The following CAPN8 variants were observed in gnomAD, a reference collection of about 807,000 sequenced individuals.
CAPN8 encodes the protein calpain 8.
In CAPN8, 87 loss-of-function variants were observed where a neutral mutation model predicts 80.9. That is an observed-to-expected ratio of 1.07 (90% CI 0.90 to 1.28). The LOEUF is 1.28. Among genes scored for constraint, CAPN8 ranks in the 50% most tolerant of loss-of-function variants. CAPN8 has a pLI of 0.00. For missense variants in CAPN8, 757 were observed against 702.0 expected, an observed-to-expected ratio of 1.08 and a Z score of -0.89; for synonymous variants, 299 against 273.8, an observed-to-expected ratio of 1.09 and a Z score of -0.91.
chr1:223,545,989 AT>A (rs35357819), intron 16 of CAPN8, among the ~76,000 whole-genome samples: 23,057 of 111,380 alleles, frequency 0.21, 2,237 homozygotes, highest in Middle Eastern at 0.25. Flanking sequence ...TACTCCACTA[AT>A]TTTTTTTTTT....
intron 15 of CAPN8, chr1:223,549,625 TC>T: frequency 4.6e-6 from 3 of 650,364 alleles, no homozygotes; most frequent in Non-Finnish European, 8.4e-6. Flanking sequence ...TTGGCTTGGC[TC>T]CCCACAAGCC....
chr1:223,630,851 T>C (rs547938762), intron 2 of CAPN8, among the ~76,000 whole-genome samples: 1 of 152,186 alleles, frequency 6.6e-6, no homozygotes, highest in East Asian at 1.9e-4. Context: ...AGCAGGGCAG[T>C]CTCTCATTAA....
At position 223,544,081 on chromosome 1, in the gene CAPN8, A is replaced by T. The variant is rs754567047; in HGVS notation, c.2015T>A (p.Leu672Gln). Reference protein sequence around the residue: ...FDSFVACMIRLETLFKLFSLL... With the variant: ...FDSFVACMIRQETLFKLFSLL... ...GAGTGACTCACTGAAGAGGGTCTCC[A>T]GGCGGATCATACAAGCCACGAAGCT... Residue 672 changes from leucine (L) to glutamine (Q), a missense_variant, in exon 19 of 21, where the codon CTG (leucine) becomes CAG (glutamine). Transcript: ENST00000366872. 65 of 718,066 alleles carry T rather than the reference A, an allele frequency of 9.1e-5. No homozygotes were observed. Among genetic ancestry groups the T allele is most frequent in the Middle Eastern group, 2.3e-4 (1 of 4,394 alleles). The allele number at this position is 718,066 out of a possible 1,614,324, so 44.5% of individuals were successfully genotyped here.
chr1:223,658,975 T>G (rs1201392328), intron 1 of CAPN8, among the ~76,000 whole-genome samples: 1 of 152,198 alleles, frequency 6.6e-6, no homozygotes, highest in Admixed American at 6.5e-5. Context: ...CAGGATTCTG[T>G]GAAGAGGCAG....
At chr1:223,644,797 T>C (rs1658144186) in intron 2 of CAPN8, among the ~76,000 whole-genome samples, 1 of 152,138 alleles carries the variant, frequency 6.6e-6, no homozygotes, top group South Asian at 2.1e-4. Flanking sequence ...TCTCTCTTGT[T>C]ACCTCCTCCT....
At chr1:223,609,629 G>T (rs1386159494) in intron 11 of CAPN8, among the ~76,000 whole-genome samples, 1 of 152,156 alleles carries the variant, frequency 6.6e-6, no homozygotes, top group Non-Finnish European at 1.5e-5. Context: ...AACGAAGGTT[G>T]AGGGACAGGG....
At chr1:223,549,004 G>T (rs1326003020) in intron 16 of CAPN8, among the ~76,000 whole-genome samples, 1 of 152,036 alleles carries the variant, frequency 6.6e-6, no homozygotes, top group Non-Finnish European at 1.5e-5. Context: ...ACAGAGTGTG[G>T]AGGGAGCAGG....
intron 8 of CAPN8, among the ~76,000 whole-genome samples, chr1:223,619,726 G>A (rs537318343): frequency 6.6e-6 from 1 of 152,304 alleles, no homozygotes; most frequent in South Asian, 2.1e-4. Flanking sequence ...ACCCCAGGAG[G>A]TCATCTCAAC....
At chr1:223,631,846 T>G (rs181282327) in intron 2 of CAPN8, among the ~76,000 whole-genome samples, 2 of 152,162 alleles carry the variant, frequency 1.3e-5, no homozygotes, top group African/African-American at 2.4e-5. Context: ...GAGACTGCTC[T>G]GCAACACCTC....
intron 2 of CAPN8, among the ~76,000 whole-genome samples, chr1:223,643,407 T>C (rs12090816): frequency 0.021 from 3,263 of 152,352 alleles, 110 homozygotes; most frequent in African/African-American, 0.073. Context: ...GAGGGTGGTC[T>C]TCCAGGCTCA....
At chr1:223,664,068 C>G (rs570220490) in intron 1 of CAPN8, among the ~76,000 whole-genome samples, 21 of 152,324 alleles carry the variant, frequency 1.4e-4, no homozygotes, top group African/African-American at 5.1e-4. Context: ...CACAACCACT[C>G]TGTATGGGAG....
intron 7 of CAPN8, among the ~76,000 whole-genome samples, chr1:223,621,113 A>G (rs34518501): frequency 0.56 from 85,154 of 151,948 alleles, 25,158 homozygotes; most frequent in African/African-American, 0.73. Context: ...CAATTCCCAG[A>G]GCCTCTTCAA....
At chr1:223,639,273 T>C (rs927107896) in intron 2 of CAPN8, among the ~76,000 whole-genome samples, 1 of 152,060 alleles carries the variant, frequency 6.6e-6, no homozygotes, top group African/African-American at 2.4e-5. Context: ...ATAAAGTAGA[T>C]TAACAAGATG....
At chr1:223,648,465 T>C (rs1186787422) in intron 2 of CAPN8, among the ~76,000 whole-genome samples, 2 of 152,234 alleles carry the variant, frequency 1.3e-5, no homozygotes, top group Non-Finnish European at 2.9e-5. Flanking sequence ...CCTTGAAGGA[T>C]GCTACAGATC....
rs575003479 is a variant in CAPN8 at position 223,620,268 on chromosome 1, T to C, written c.900-2A>G. The C allele has an allele frequency of 6.4e-6, 10 of 1,551,242 alleles. No individual in the cohort carries two copies. In the African/African-American group the frequency reaches 1.4e-4, roughly 21 times the overall value. ...TCTATGTGATTCCACTCTGGTGCACTGAGGGGAAAACAAGCAGAGATGCTC... is the reference window on the plus strand; with the variant it reads ...TCTATGTGATTCCACTCTGGTGCACCGAGGGGAAAACAAGCAGAGATGCTC... On this transcript the variant is annotated splice_acceptor_variant, in intron 7 of 20. Transcript: ENST00000366872. LOFTEE classifies it high-confidence loss of function.
Position 223,553,707 on chromosome 1 carries a change from G to T in CAPN8, c.1641+125C>A, listed in dbSNP as rs1445549200. ...ATGGTGATGGGCACAGAAGCTGGGG[G>T]CCCCTGAGACCTGAGTCTCACCCTT... is the stretch of plus-strand genomic sequence containing the variant. On this transcript the variant is annotated intron_variant, in intron 14 of 20. Transcript: ENST00000366872. 10 of 397,508 alleles carry T rather than the reference G, an allele frequency of 2.5e-5. No individual in the cohort carries two copies. In the South Asian group the frequency reaches 1.1e-3, roughly 42 times the overall value. The allele number at this position is 397,508 out of a possible 1,614,324, so 24.6% of individuals were successfully genotyped here. A position where few individuals can be genotyped will look rare whatever the true frequency, so the allele number is the denominator to read the frequency against.
intron 9 of CAPN8, 38 bp from the exon 10 acceptor site, chr1:223,616,183 C>T (rs1558341523): frequency 2.2e-5 from 33 of 1,525,196 alleles, no homozygotes; most frequent in East Asian, 1.2e-4. Flanking sequence ...CCCCACGTAG[C>T]GGGTGAGGAG....
At chr1:223,625,496 A>C (rs1315845511) in intron 6 of CAPN8, among the ~76,000 whole-genome samples, 1 of 152,142 alleles carries the variant, frequency 6.6e-6, no homozygotes, top group African/African-American at 2.4e-5. Flanking sequence ...AGGTCTTACT[A>C]TGTTGCCCAG....
chr1:223,544,176 G>A lies in CAPN8; in HGVS notation c.1920C>T (p.Thr640=), dbSNP rs931360795. The A allele has an allele frequency of 1.1e-5, 8 of 717,900 alleles. No individual in the cohort carries two copies. In the African/African-American group the frequency reaches 1.4e-4, roughly 13 times the overall value. 44.5% of individuals were successfully genotyped at this position (717,900 alleles called of 1,614,324 possible). A position where few individuals can be genotyped will look rare whatever the true frequency, so the allele number is the denominator to read the frequency against. ...TGGTCTGCTGCACCTGGCTGTTGAGGGTGAAACCTGAGGGCAGAGGGAGCC... is the reference window on the plus strand; with the variant it reads ...TGGTCTGCTGCACCTGGCTGTTGAGAGTGAAACCTGAGGGCAGAGGGAGCC... The part of the protein sequence containing the change: ...MRTALRKAGF[T]LNSQVQQTIA... Residue 640 remains threonine (T), a synonymous_variant, in exon 19 of 21, where the codon ACC becomes ACT. Coordinates refer to ENST00000366872, the MANE Select transcript of CAPN8 (RefSeq NM_001143962.2).
Sources: gnomAD v4.1 joint callset for allele counts (sites outside exome capture counted in the v4.1 genomes callset) on GRCh38, gnomAD v4.1.1 for gene constraint, MANE v1.5 for transcripts, NCBI Gene and HGNC (gene_info 2026-07-23, HGNC 2026-07-21) for gene names.